The following CALY variants were observed in gnomAD, a reference collection of about 807,000 sequenced individuals.
The protein encoded by CALY is neuron-specific vesicular protein calcyon.
In CALY, 15 loss-of-function variants were observed where a neutral mutation model predicts 20.2. The observed-to-expected ratio is 0.74, with a 90% CI of 0.50 to 1.14. The LOEUF (loss-of-function observed/expected upper bound fraction) is 1.14. Ranked by LOEUF, CALY falls within the 50% of genes most tolerant of loss-of-function variation. CALY has a pLI of 0.00. For missense variants in CALY, 270 were observed against 304.4 expected, an observed-to-expected ratio of 0.89 and a Z score of 0.84; for synonymous variants, 129 against 131.8, an observed-to-expected ratio of 0.98 and a Z score of 0.15.
intron 4 of CALY, chr10:133,326,381 C>A: frequency 1.1e-6 from 1 of 935,196 alleles, no homozygotes; most frequent in South Asian, 1.4e-5. Context: ...AGCAAGGACT[C>A]TGCGGAGCGC....
In CALY at chr10:133,324,303, C is replaced by A. The variant is rs1374679487; in HGVS notation, c.*1292G>T. ...GACCCCACCTGGCTGGCTTCCAGCT[C>A]ACCATGGCTTCCCTGGCAGGCCCAG... is the stretch of plus-strand genomic sequence containing the variant. On this transcript the variant is annotated 3_prime_UTR_variant, in exon 6 of 6. Coordinates refer to ENST00000252939, the MANE Select transcript of CALY (RefSeq NM_015722.4). 2.2e-6 allele frequency: 1 copy of A among 455,172 alleles called. No individual in the cohort carries two copies. The allele number at this position is 455,172 out of a possible 1,614,324, so 28.2% of individuals were successfully genotyped here. A position where few individuals can be genotyped will look rare whatever the true frequency, so the allele number is the denominator to read the frequency against.
rs1201984329 is a variant in CALY, at chr10:133,328,869, G to A, written c.121C>T (p.Pro41Ser). 6.5e-7 allele frequency: 1 copy of A among 1,543,836 alleles called. No homozygotes were observed. Among genetic ancestry groups the A allele is most frequent in the Non-Finnish European group, 8.7e-7 (1 of 1,145,022 alleles). ...SPLDISQLQP[P>S]LPDQVVIKTQ... ...CAGGCCCTCACCTGGTCAGGGAGTG[G>A]CGGCTGGAGCTGGCTGATGTCCAAG... The change falls in exon 2 of 6, where the codon CCA becomes TCA. Residue 41 changes from proline to serine, a missense_variant. Physicochemically the swap from Pro to Ser is moderately conservative, Grantham distance 74 (BLOSUM62 -1). Coordinates refer to ENST00000252939, the MANE Select transcript of CALY (RefSeq NM_015722.4).
rs1427176675 is a variant in CALY at position 133,324,383 on chromosome 10, C to A, written c.*1212G>T. 1.8e-5 allele frequency: 8 copies of A among 452,300 alleles called. No individual in the cohort carries two copies. Among genetic ancestry groups the A allele is most frequent in the Non-Finnish European group, 3.1e-5 (7 of 226,006 alleles). The allele number at this position is 452,300 out of a possible 1,614,324, so 28.0% of individuals were successfully genotyped here. ...TCCAAAGCAGGCCAGTCCCACTGAGCTGGGAAGCTGCCTAGACCCGCACCT... is the reference window on the plus strand; with the variant it reads ...TCCAAAGCAGGCCAGTCCCACTGAGATGGGAAGCTGCCTAGACCCGCACCT... On this transcript the variant is annotated 3_prime_UTR_variant, in exon 6 of 6. Coordinates refer to ENST00000252939, the MANE Select transcript of CALY (RefSeq NM_015722.4).
At chr10:133,327,642 A>G (rs1037464063) in intron 3 of CALY, 5 of 607,448 alleles carry the variant, frequency 8.2e-6, no homozygotes, top group Middle Eastern at 2.5e-4. Flanking sequence ...AGCAAGCAGC[A>G]CTCGCGGGCA....
intron 1 of CALY, among the ~76,000 whole-genome samples, chr10:133,333,108 G>A (rs1262539273): frequency 6.6e-6 from 1 of 151,840 alleles, no homozygotes; most frequent in Non-Finnish European, 1.5e-5. Flanking sequence ...GTGGGTTCCA[G>A]GTGTGGGTAG....
At chr10:133,330,612 C>G (rs1848289427) in intron 1 of CALY, among the ~76,000 whole-genome samples, 1 of 130,640 alleles carries the variant, frequency 7.7e-6, no homozygotes, top group South Asian at 2.7e-4. Context: ...GAGCCGAGAT[C>G]GCGCCACCGC....
chr10:133,330,212 G>A (rs1465963460), intron 1 of CALY, among the ~76,000 whole-genome samples: 1 of 152,176 alleles, frequency 6.6e-6, no homozygotes, highest in Non-Finnish European at 1.5e-5. Context: ...CCTGTGGCCC[G>A]GTGCTATGGC....
At chr10:133,328,309 C>T (rs1380812391) in intron 2 of CALY, among the ~76,000 whole-genome samples, 1 of 152,198 alleles carries the variant, frequency 6.6e-6, no homozygotes, top group African/African-American at 2.4e-5. Context: ...GGAGAATTGC[C>T]CTTGGCCAGC....
intron 2 of CALY, among the ~76,000 whole-genome samples, chr10:133,328,360 GC>G (rs1238116071): frequency 1.3e-5 from 2 of 152,088 alleles, no homozygotes; most frequent in East Asian, 3.9e-4. Context: ...CATAGATGCT[GC>G]CCCCACCTCC....
chr10:133,333,094 C>T (rs1051389261), intron 1 of CALY, among the ~76,000 whole-genome samples: 1 of 151,776 alleles, frequency 6.6e-6, no homozygotes, highest in African/African-American at 2.4e-5. Flanking sequence ...GGCCAGGCTC[C>T]GCTGTGGGTT....
chr10:133,332,283 G>A (rs956939502), intron 1 of CALY, among the ~76,000 whole-genome samples: 1 of 152,342 alleles, frequency 6.6e-6, no homozygotes, highest in Non-Finnish European at 1.5e-5. Context: ...CAGCATGGCT[G>A]CCTCTCAGTA....
rs140163287 is a variant in CALY, at chr10:133,335,325, G to A, written c.-21+1509C>T. Among the ~76,000 whole-genome samples the A allele has an allele frequency of 5.4e-3, 830 of 152,310 alleles. 3 individuals carry two copies. The highest frequency in any genetic ancestry group is 7.3e-3 in the Non-Finnish European group (495 of 68,000). On this transcript the variant is annotated intron_variant, in intron 1 of 5. Transcript: ENST00000252939. ...CAGGGCCCGCAGCGCCATAGGGTAG[G>A]GCCACGCCCCGGAGGGCCCGCGCCA... is the stretch of plus-strand genomic sequence containing the variant.
intron 3 of CALY, among the ~76,000 whole-genome samples, 170 bp from the exon 4 acceptor site, chr10:133,327,161 C>T (rs1354036778): frequency 6.6e-6 from 1 of 152,196 alleles, no homozygotes; most frequent in Non-Finnish European, 1.5e-5. Flanking sequence ...GTCAAGTGTG[C>T]AGGCGTCACC....
At position 133,324,631 on chromosome 10, in the gene CALY, TGGGGTGG is replaced by T. The variant is rs1848174917; in HGVS notation, c.*957_*963del. The T allele has an allele frequency of 7.5e-5, 1 of 13,410 alleles. No individual in the cohort carries two copies. The highest frequency in any genetic ancestry group is 1.4e-4 in the Non-Finnish European group (1 of 7,380). The allele number at this position is 13,410 out of a possible 1,614,324, so 0.8% of individuals were successfully genotyped here. A position where few individuals can be genotyped will look rare whatever the true frequency, so the allele number is the denominator to read the frequency against. ...GCGGGGCTGCAGAGCTGCTGCTGGC[TGGGGTGG>T]GCGGGGCTGCAGAGCTGCTGCTGGC... On this transcript the variant is annotated 3_prime_UTR_variant, in exon 6 of 6. Transcript: ENST00000252939.
chr10:133,326,305 C>A (rs1446947902), intron 4 of CALY, 185 bp from the exon 5 acceptor site: 1 of 1,547,252 alleles, frequency 6.5e-7, no homozygotes, highest in Non-Finnish European at 8.7e-7. Context: ...AGCAGGAGGT[C>A]GCGCGTTGTA....
chr10:133,327,988 G>T lies in CALY; in HGVS notation c.163C>A (p.Gln55Lys), dbSNP rs769300859. The T allele has an allele frequency of 1.2e-6, 2 of 1,611,816 alleles. No homozygotes were observed. Among genetic ancestry groups the T allele is most frequent in the Non-Finnish European group, 1.7e-6 (2 of 1,178,894 alleles). ...TTCTGCTGGTCTGGGGAGGACAGCT[G>T]GTATTCTGTCTGTGTCTTGATGACC... ...QVVIKTQTEY[Q>K]LSSPDQQNFP... Residue 55 changes from glutamine (Q) to lysine (K), a missense_variant, in exon 3 of 6, where the codon CAG (glutamine) becomes AAG (lysine). Gln to Lys is a moderately conservative substitution (Grantham distance 53, BLOSUM62 1). Coordinates refer to ENST00000252939, the MANE Select transcript of CALY (RefSeq NM_015722.4).
At chr10:133,328,816 G>A (rs41283333) in intron 2 of CALY, 39 bp downstream of exon 2, 41,956 of 1,519,934 alleles carry the variant, frequency 0.028, 867 homozygotes, top group African/African-American at 0.099. Flanking sequence ...GTTCCCAGGG[G>A]AGCCTGAGAA....
intron 1 of CALY, among the ~76,000 whole-genome samples, chr10:133,332,675 C>A (rs1848329152): frequency 1.3e-5 from 2 of 152,094 alleles, no homozygotes; most frequent in Non-Finnish European, 1.5e-5. Flanking sequence ...GTGAGGGGTG[C>A]CTTTGAATGG....
chr10:133,325,737 G>T, intron 5 of CALY, 62 bp downstream of exon 5: 2 of 736,392 alleles, frequency 2.7e-6, no homozygotes, highest in Non-Finnish European at 3.7e-6. Context: ...CTCAGAAGCG[G>T]TGGCGGGAGG....
Sources: allele counts gnomAD v4.1 joint callset (sites outside exome capture counted in the v4.1 genomes callset), GRCh38; gene constraint gnomAD v4.1.1; transcripts MANE v1.5; gene names NCBI Gene and HGNC (gene_info 2026-07-23, HGNC 2026-07-21).